The following FAT3 variants were observed in gnomAD, a reference collection of about 807,000 sequenced individuals.
FAT3 encodes the protein protocadherin Fat 3.
A neutral mutation model predicts 310.2 loss-of-function variants in FAT3; 95 were observed. That is an observed-to-expected ratio of 0.31 (90% CI 0.26 to 0.36). FAT3 has a LOEUF of 0.36. FAT3 is among the 10% of genes least tolerant of loss of function. The pLI, the probability that FAT3 is intolerant of heterozygous loss-of-function variation, is 1.00. For missense variants in FAT3, 5,408 were observed against 5,715.6 expected, an observed-to-expected ratio of 0.95 and a Z score of 1.74; for synonymous variants, 2,314 against 2,192.9, an observed-to-expected ratio of 1.06 and a Z score of -1.54.
At chr11:92,358,819 T>A (rs552071109) in intron 2 of FAT3, among the ~76,000 whole-genome samples, 3 of 152,196 alleles carry the variant, frequency 2.0e-5, no homozygotes, top group Non-Finnish European at 2.9e-5. Context: ...AAAAAAAATA[T>A]GGTTTGAGTT....
At chr11:92,888,819 C>T (rs1329612863) in intron 25 of FAT3, among the ~76,000 whole-genome samples, 1 of 152,200 alleles carries the variant, frequency 6.6e-6, no homozygotes, top group Non-Finnish European at 1.5e-5. Flanking sequence ...TGAGGTCTTC[C>T]TCTGAGAGCC....
intron 1 of FAT3, chr11:92,336,006 C>T: frequency 2.2e-6 from 1 of 464,422 alleles, no homozygotes; most frequent in Non-Finnish European, 4.2e-6. Flanking sequence ...GAAGGTGGTG[C>T]TTCTTGAGCT....
rs1248868077 is a variant in FAT3 at position 92,355,231 on chromosome 11, C to G, written c.3119C>G (p.Thr1040Ser). 2 of 1,613,712 alleles carry G rather than the reference C, an allele frequency of 1.2e-6. No individual in the cohort carries two copies. Among genetic ancestry groups the G allele is most frequent in the East Asian group, 2.2e-5 (1 of 44,878 alleles). ...GTGGATGTCAATGAAAACCTCCACA[C>G]TCCCTATTTCCCAGACTTTGCTGTT... Reference protein sequence around the residue: ...EVVDVNENLHTPYFPDFAVVG... With the variant: ...EVVDVNENLHSPYFPDFAVVG... Residue 1040 changes from threonine to serine, a missense_variant, in exon 2 of 28, where the codon ACT becomes AGT. By Grantham distance (58) the Thr-to-Ser change is moderately conservative. This residue lies in a region of FAT3 where 4,588 missense variants were observed against 4,809.8 expected (regional missense o/e 0.95). Coordinates refer to ENST00000525166, the MANE Select transcript of FAT3 (RefSeq NM_001367949.2).
intron 2 of FAT3, among the ~76,000 whole-genome samples, chr11:92,521,172 C>A (rs905218791): frequency 6.6e-6 from 1 of 151,916 alleles, no homozygotes; most frequent in Non-Finnish European, 1.5e-5. Flanking sequence ...CACACACATA[C>A]GTGGAAATGT....
At chr11:92,374,059 A>AGAGAGAGAGAGAGAGAG (rs1555026645) in intron 2 of FAT3, among the ~76,000 whole-genome samples, 1 of 89,742 alleles carries the variant, frequency 1.1e-5, no homozygotes, top group African/African-American at 6.6e-5. Context: ...GAGAGAGAGA[A>AGAGAGAGAGAGAGAGAG]TTTGCTTTCC....
At chr11:92,641,316 A>T (rs1022866749) in intron 3 of FAT3, among the ~76,000 whole-genome samples, 1 of 152,230 alleles carries the variant, frequency 6.6e-6, no homozygotes, top group Non-Finnish European at 1.5e-5. Context: ...TATCTGCATA[A>T]TTATAAATGT....
At chr11:92,375,838 T>C (rs1949327317) in intron 2 of FAT3, among the ~76,000 whole-genome samples, 1 of 152,206 alleles carries the variant, frequency 6.6e-6, no homozygotes, top group Admixed American at 6.5e-5. Context: ...TTTTGTTGTT[T>C]ACTGACCTAA....
intron 3 of FAT3, among the ~76,000 whole-genome samples, chr11:92,593,408 T>C (rs965410469): frequency 1.3e-5 from 2 of 152,058 alleles, no homozygotes; most frequent in African/African-American, 4.8e-5. Flanking sequence ...CATTCCTATC[T>C]GCAGTGCACG....
chr11:92,251,765 G>A (rs1565180063), intron 1 of FAT3, among the ~76,000 whole-genome samples: 1 of 151,938 alleles, frequency 6.6e-6, no homozygotes, highest in Non-Finnish European at 1.5e-5. Flanking sequence ...AAGCCCCAGG[G>A]GTATATGATG....
At chr11:92,359,529 G>A (rs559433868) in intron 2 of FAT3, among the ~76,000 whole-genome samples, 268 of 151,200 alleles carry the variant, frequency 1.8e-3, no homozygotes, top group Admixed American at 5.1e-3. Context: ...TGCACATTGT[G>A]CAGGTTAGTT....
At chr11:92,389,353 T>C (rs1040004134) in intron 2 of FAT3, among the ~76,000 whole-genome samples, 21 of 152,178 alleles carry the variant, frequency 1.4e-4, no homozygotes, top group Non-Finnish European at 1.5e-5. Flanking sequence ...GACCTAACAA[T>C]GGTGACTACT....
chr11:92,517,986 G>A (rs1342082222), intron 2 of FAT3, among the ~76,000 whole-genome samples: 6 of 152,102 alleles, frequency 3.9e-5, no homozygotes, highest in Admixed American at 3.9e-4. Flanking sequence ...TGCTGGAGAG[G>A]ATATGGAGAA....
At chr11:92,837,417 C>T (rs1262342058) in intron 16 of FAT3, among the ~76,000 whole-genome samples, 3 of 152,202 alleles carry the variant, frequency 2.0e-5, no homozygotes, top group Non-Finnish European at 4.4e-5. Flanking sequence ...GGGGGTGATA[C>T]TGCCTCCCAC....
chr11:92,557,047 G>A (rs576012358), intron 3 of FAT3, among the ~76,000 whole-genome samples: 2 of 151,762 alleles, frequency 1.3e-5, no homozygotes, highest in African/African-American at 2.4e-5. Context: ...CTTCTGCTTG[G>A]CAAACCCATT....
intron 2 of FAT3, among the ~76,000 whole-genome samples, chr11:92,449,254 T>G (rs1266723220): frequency 2.0e-5 from 3 of 152,054 alleles, no homozygotes; most frequent in Admixed American, 2.0e-4. Flanking sequence ...AAATGCTAAG[T>G]TGGTGGATGC....
intron 1 of FAT3, among the ~76,000 whole-genome samples, chr11:92,329,912 AG>A (rs971663278): frequency 5.3e-5 from 8 of 151,566 alleles, no homozygotes; most frequent in Non-Finnish European, 1.0e-4. Context: ...GTGATACCAG[AG>A]GAAGATTTGA....
chr11:92,458,625 A>G (rs760875309), intron 2 of FAT3, among the ~76,000 whole-genome samples: 1 of 152,140 alleles, frequency 6.6e-6, no homozygotes, highest in East Asian at 1.9e-4. Flanking sequence ...TGACCTGCTC[A>G]GTTTCCATGG....
chr11:92,355,493 A>C, intron 2 of FAT3, 89 bp downstream of exon 2: 2 of 1,291,368 alleles, frequency 1.5e-6, no homozygotes, highest in South Asian at 3.0e-5. Flanking sequence ...GGACACTAAA[A>C]TAGAATGACA....
At chr11:92,816,079 G>T (rs1947818708) in intron 13 of FAT3, among the ~76,000 whole-genome samples, 1 of 152,184 alleles carries the variant, frequency 6.6e-6, no homozygotes, top group African/African-American at 2.4e-5. Context: ...ACTCAGGAAG[G>T]ATTCACCAAA....
Sources: gnomAD v4.1 joint callset for allele counts (sites outside exome capture counted in the v4.1 genomes callset) on GRCh38, gnomAD v4.1.1 for gene constraint, gnomAD v4.1.1 regional missense constraint, MANE v1.5 for transcripts, NCBI Gene and HGNC (gene_info 2026-07-23, HGNC 2026-07-21) for gene names.